Variants in TANGO6 observed in about 807,000 individuals in gnomAD.
TANGO6 encodes transport and golgi organization 6 homolog, also known as transport and Golgi organization protein 6 homolog.
TANGO6 carries 90 observed loss-of-function variants against 114.2 expected under a neutral mutation model. The observed-to-expected ratio is 0.79, with a 90% CI of 0.66 to 0.94. The LOEUF (loss-of-function observed/expected upper bound fraction) is 0.94. Among genes scored for constraint, TANGO6 ranks in the 40% least tolerant of loss-of-function variants. TANGO6 has a pLI of 0.00. For missense variants in TANGO6, 1,274 were observed against 1,315.3 expected, an observed-to-expected ratio of 0.97 and a Z score of 0.49; for synonymous variants, 477 against 509.8, an observed-to-expected ratio of 0.94 and a Z score of 0.87.
chr16:69,055,732 G>A (rs1485178761), intron 17 of TANGO6, among the ~76,000 whole-genome samples: 6 of 152,226 alleles, frequency 3.9e-5, no homozygotes. Flanking sequence ...TGTTAGTGAT[G>A]GGCTTGAAAA....
intron 7 of TANGO6, among the ~76,000 whole-genome samples, chr16:68,892,334 G>C (rs1597008203): frequency 1.3e-5 from 2 of 152,226 alleles, no homozygotes; most frequent in East Asian, 3.9e-4. Flanking sequence ...AAAGAAAGCC[G>C]AGGTGCAATT....
intron 1 of TANGO6, among the ~76,000 whole-genome samples, chr16:68,857,886 CT>C (rs1567524608): frequency 6.6e-6 from 1 of 152,028 alleles, no homozygotes. Context: ...CAGTAATTTT[CT>C]TTTTTGTGAT....
At chr16:69,037,665 C>T (rs912878788) in intron 16 of TANGO6, among the ~76,000 whole-genome samples, 2 of 152,216 alleles carry the variant, frequency 1.3e-5, no homozygotes, top group Non-Finnish European at 1.5e-5. Flanking sequence ...GTTAATGCCA[C>T]AGGCATGGAA....
chr16:68,891,265 C>T (rs1173512707), intron 7 of TANGO6, among the ~76,000 whole-genome samples: 1 of 145,270 alleles, frequency 6.9e-6, no homozygotes, highest in East Asian at 2.0e-4. Context: ...GCACTCCAGC[C>T]TAGGTGACAA....
chr16:69,040,227 G>C lies in TANGO6; in HGVS notation c.2995-81G>C, dbSNP rs549765160. The stretch of plus-strand genomic sequence containing the variant: ...CCAGATTGCTCTTGATGAATGTGTA[G>C]TAAGTGGAACACAGTTGAAAGGTTA... On this transcript the variant is annotated intron_variant, in intron 16 of 17. Transcript: ENST00000261778. 15 of 1,216,006 alleles carry C rather than the reference G, an allele frequency of 1.2e-5. No individual in the cohort carries two copies. In the African/African-American group the frequency reaches 2.2e-4, roughly 18 times the overall value. 75.3% of individuals were successfully genotyped at this position (1,216,006 alleles called of 1,614,324 possible).
At chr16:69,065,872 A>C (rs572602044) in intron 17 of TANGO6, among the ~76,000 whole-genome samples, 1 of 152,292 alleles carries the variant, frequency 6.6e-6, no homozygotes, top group East Asian at 1.9e-4. Flanking sequence ...TTATCAGGAA[A>C]GCATTATTCT....
rs1200170358 is a variant in TANGO6, at chr16:68,930,413, TC to T, written c.2701+120del. The stretch of plus-strand genomic sequence containing the variant: ...AGACTACTGGTCATTTTGTCCGTCT[TC>T]CTGCCTCCTAGCTAGGACACTTTAA... On this transcript the variant is annotated intron_variant, in intron 14 of 17. Coordinates refer to ENST00000261778, the MANE Select transcript of TANGO6 (RefSeq NM_024562.2). The T allele has an allele frequency of 5.1e-6, 4 of 785,464 alleles. No individual in the cohort carries two copies. The African/African-American group carries it at 7.0e-5, about 14-fold the overall frequency. 48.7% of individuals were successfully genotyped at this position (785,464 alleles called of 1,614,324 possible).
chr16:68,975,318 C>T (rs1467651244), intron 15 of TANGO6, among the ~76,000 whole-genome samples: 1 of 151,946 alleles, frequency 6.6e-6, no homozygotes, highest in Non-Finnish European at 1.5e-5. Flanking sequence ...GCTGTATAAG[C>T]TGACAATAGT....
At chr16:68,895,200 T>A (rs1359621327) in intron 7 of TANGO6, among the ~76,000 whole-genome samples, 1 of 152,146 alleles carries the variant, frequency 6.6e-6, no homozygotes, top group Non-Finnish European at 1.5e-5. Context: ...GCAGTAACAA[T>A]TAGCCAGGCA....
At chr16:69,061,735 C>A (rs1437896824) in intron 17 of TANGO6, among the ~76,000 whole-genome samples, 3 of 151,436 alleles carry the variant, frequency 2.0e-5, no homozygotes. Flanking sequence ...AATGCATTTC[C>A]GGCCGGGCGC....
intron 14 of TANGO6, among the ~76,000 whole-genome samples, chr16:68,968,048 G>C (rs761071956): frequency 2.0e-5 from 3 of 151,914 alleles, no homozygotes; most frequent in Non-Finnish European, 4.4e-5. Context: ...AGTCTGTTTT[G>C]TTACATGTAG....
chr16:69,052,866 T>C (rs1959973930), intron 17 of TANGO6, among the ~76,000 whole-genome samples: 1 of 151,916 alleles, frequency 6.6e-6, no homozygotes, highest in South Asian at 2.1e-4. Context: ...CCCAGCACTT[T>C]GGGAGGCCGA....
chr16:68,846,075 G>T (rs1393503261), intron 1 of TANGO6, among the ~76,000 whole-genome samples: 1 of 152,006 alleles, frequency 6.6e-6, no homozygotes, highest in African/African-American at 2.4e-5. Context: ...GCCCAGGCTG[G>T]AGTGCAGTGG....
At chr16:69,051,063 C>T (rs1402151144) in intron 17 of TANGO6, among the ~76,000 whole-genome samples, 2 of 151,414 alleles carry the variant, frequency 1.3e-5, no homozygotes, top group East Asian at 3.8e-4. Context: ...AATTAAATTA[C>T]ATATTAAATT....
intron 1 of TANGO6, among the ~76,000 whole-genome samples, chr16:68,855,546 C>T (rs1379262180): frequency 6.6e-6 from 1 of 151,320 alleles, no homozygotes; most frequent in Non-Finnish European, 1.5e-5. Context: ...TGCACCACTG[C>T]ACTTCAGCCT....
At position 68,860,165 on chromosome 16, in the gene TANGO6, C is replaced by A; in HGVS notation, c.376C>A (p.Pro126Thr). The stretch of plus-strand genomic sequence containing the variant: ...TCCAGGTAAACCCAACCCTAGGACT[C>A]CGGAAGTTGCTCCTGCCCTGAGCCC... ...FNPGKPNPRT[P>T]EVAPALSPDA... The change falls in exon 2 of 18, where the codon CCG (proline) becomes ACG (threonine). Residue 126 changes from proline to threonine, a missense_variant. Physicochemically the swap from Pro to Thr is conservative, Grantham distance 38 (BLOSUM62 -1). This residue lies in a region of TANGO6 where 908 missense variants were observed against 910.2 expected (regional missense o/e 1.00). Transcript: ENST00000261778. 1 of 1,614,010 alleles carries A rather than the reference C, an allele frequency of 6.2e-7. No individual in the cohort carries two copies. Among genetic ancestry groups the A allele is most frequent in the Non-Finnish European group, 8.5e-7 (1 of 1,179,892 alleles).
intron 15 of TANGO6, chr16:69,007,093 A>C (rs1964098076): frequency 6.6e-6 from 1 of 152,118 alleles, no homozygotes; most frequent in South Asian, 2.1e-4. Context: ...TAATCCTTGC[A>C]CAGGAGCCAT....
Position 68,927,814 on chromosome 16 carries a change from C to T in TANGO6, c.2374C>T (p.His792Tyr), listed in dbSNP as rs1567542010. ...TCATGAAAGACCCACTGATGTAGCTCATAGCCACCTTGAACAACAGCAGAG... is the reference window on the plus strand; with the variant it reads ...TCATGAAAGACCCACTGATGTAGCTTATAGCCACCTTGAACAACAGCAGAG... ...TSHERPTDVA[H>Y]SHLEQQQSHE... Residue 792 changes from histidine to tyrosine, a missense_variant, in exon 13 of 18, where the codon CAT becomes TAT. Transcript: ENST00000261778. 2 of 1,614,000 alleles carry T rather than the reference C, an allele frequency of 1.2e-6. No homozygotes were observed. Among genetic ancestry groups the T allele is most frequent in the East Asian group, 2.2e-5 (1 of 44,882 alleles).
intron 15 of TANGO6, among the ~76,000 whole-genome samples, chr16:68,999,287 C>A (rs895362833): frequency 6.6e-6 from 1 of 152,164 alleles, no homozygotes; most frequent in African/African-American, 2.4e-5. Context: ...CCCAAGATAA[C>A]CTGTATCTCC....
Sources: gnomAD v4.1 joint callset for allele counts (sites outside exome capture counted in the v4.1 genomes callset) on GRCh38, gnomAD v4.1.1 for gene constraint, gnomAD v4.1.1 regional missense constraint, MANE v1.5 for transcripts, NCBI Gene and HGNC (gene_info 2026-07-23, HGNC 2026-07-21) for gene names.